The following NOL9 variants were observed in gnomAD, a reference collection of about 807,000 sequenced individuals.
The protein encoded by NOL9 is nucleolar protein 9, also known as polynucleotide 5'-hydroxyl-kinase NOL9.
NOL9 carries 28 observed loss-of-function variants against 67.9 expected under a neutral mutation model. The observed-to-expected ratio is 0.41, with a 90% CI of 0.31 to 0.57. NOL9 has a LOEUF of 0.57. NOL9 is among the 20% of genes least tolerant of loss of function. The pLI is 0.25. For synonymous variants in NOL9, 356 were observed against 352.2 expected, an observed-to-expected ratio of 1.01 and a Z score of -0.12; for missense variants, 777 against 897.0, an observed-to-expected ratio of 0.87 and a Z score of 1.71.
At chr1:6,549,813 T>G (rs765149343) in intron 2 of NOL9, 115 bp from the exon 3 acceptor site, 1 of 1,279,418 alleles carries the variant, frequency 7.8e-7, no homozygotes, top group Non-Finnish European at 1.1e-6. Context: ...GGAATTACGG[T>G]TGAGAGCCTT....
chr1:6,530,885 C>T (rs796659082), intron 9 of NOL9, among the ~76,000 whole-genome samples: 2 of 152,350 alleles, frequency 1.3e-5, no homozygotes, highest in African/African-American at 4.8e-5. Flanking sequence ...GGCTCAGAGT[C>T]GGGCGTCCTG....
At chr1:6,552,730 A>G (rs1639569880) in intron 1 of NOL9, among the ~76,000 whole-genome samples, 1 of 151,978 alleles carries the variant, frequency 6.6e-6, no homozygotes. Flanking sequence ...TCAGCCTCCA[A>G]AAGTGCTGGG....
Position 6,554,431 on chromosome 1 carries a change from C to T in NOL9, c.72G>A (p.Arg24=). 1.9e-6 allele frequency: 3 copies of T among 1,548,146 alleles called. No homozygotes were observed. Among genetic ancestry groups the T allele is most frequent in the South Asian group, 2.3e-5 (2 of 85,624 alleles). ...GCCGGCGGCTGAGGATGAGCTGGGG[C>T]CGGGCCTTGCGGACCCGCAGCCAAG... ...RSTWLRVRKA[R]PQLILSRRPR... is the part of the protein sequence containing the mutation. Residue 24 remains arginine, a synonymous_variant, in exon 1 of 12, where the codon CGG becomes CGA. Transcript: ENST00000377705.
Position 6,554,469 on chromosome 1 carries a change from A to G in NOL9, c.34T>C (p.Ser12Pro), listed in dbSNP as rs767795838. ...ADSGLLLKRG[S>P]CRSTWLRVRK... Reference sequence around the variant, plus strand: ...ACCCGCAGCCAAGTGGAACGGCAGGAACCCCGCTTTAGCAGCAGTCCCGAG... The same window carrying G: ...ACCCGCAGCCAAGTGGAACGGCAGGGACCCCGCTTTAGCAGCAGTCCCGAG... Residue 12 changes from serine to proline, a missense_variant, in exon 1 of 12, where the codon TCC (serine) becomes CCC (proline). Coordinates refer to ENST00000377705, the MANE Select transcript of NOL9 (RefSeq NM_024654.5). 5.2e-6 allele frequency: 8 copies of G among 1,550,038 alleles called. No homozygotes were observed. Among genetic ancestry groups the G allele is most frequent in the Middle Eastern group, 4.3e-4 (2 of 4,686 alleles).
Position 6,544,776 on chromosome 1 carries a change from C to T in NOL9, c.977+50G>A, listed in dbSNP as rs201995046. On this transcript the variant is annotated intron_variant, in intron 5 of 11. Coordinates refer to ENST00000377705, the MANE Select transcript of NOL9 (RefSeq NM_024654.5). Reference sequence around the variant, plus strand: ...TCCCTCCAAATCAAAAATCCCACTTCATGACAAAAACCTAGCAATGTGTCA... The same window carrying T: ...TCCCTCCAAATCAAAAATCCCACTTTATGACAAAAACCTAGCAATGTGTCA... 4.9e-5 allele frequency: 78 copies of T among 1,590,912 alleles called. No individual in the cohort carries two copies. The African/African-American group carries it at 9.5e-4, about 19-fold the overall frequency.
intron 8 of NOL9, 73 bp downstream of exon 8, chr1:6,532,390 A>G: frequency 7.1e-7 from 1 of 1,410,374 alleles, no homozygotes; most frequent in Non-Finnish European, 9.8e-7. Flanking sequence ...TCAGGCCTTT[A>G]GAGGAATTGA....
rs957453806 is a variant in NOL9, at chr1:6,523,707, G to C, written c.*2147C>G. 3.9e-5 allele frequency: 6 copies of C among 152,050 alleles called. No homozygotes were observed. The highest frequency in any genetic ancestry group is 1.5e-4 in the African/African-American group (6 of 41,344). The allele number at this position is 152,050 out of a possible 1,614,324, so 9.4% of individuals were successfully genotyped here. On this transcript the variant is annotated 3_prime_UTR_variant, in exon 12 of 12. Coordinates refer to ENST00000377705, the MANE Select transcript of NOL9 (RefSeq NM_024654.5). Reference sequence around the variant, plus strand: ...CAAGCTAGACCTGACAGAGGCCTTGGCTCCCTGTCTCCGAACCTCCTTCCC... The same window carrying C: ...CAAGCTAGACCTGACAGAGGCCTTGCCTCCCTGTCTCCGAACCTCCTTCCC...
chr1:6,533,876 C>T (rs1027118732), intron 6 of NOL9, among the ~76,000 whole-genome samples: 3 of 151,924 alleles, frequency 2.0e-5, no homozygotes, highest in African/African-American at 4.8e-5. Flanking sequence ...CACATATAGC[C>T]TCTAATTTTC....
chr1:6,530,144 A>G (rs1055923548), intron 9 of NOL9, among the ~76,000 whole-genome samples: 2 of 151,860 alleles, frequency 1.3e-5, no homozygotes, highest in African/African-American at 4.8e-5. Context: ...AAGAAACAAA[A>G]AACACTTAAA....
At position 6,525,773 on chromosome 1, in the gene NOL9, A is replaced by G; in HGVS notation, c.*81T>C. ...TAAGGGCACCATTCATGGCCATGAA[A>G]CTCCATCATGTCTCTTGTGGTCAGG... On this transcript the variant is annotated 3_prime_UTR_variant, in exon 12 of 12. Coordinates refer to ENST00000377705, the MANE Select transcript of NOL9 (RefSeq NM_024654.5). 6.8e-7 allele frequency: 1 copy of G among 1,468,658 alleles called. No individual in the cohort carries two copies. The highest frequency in any genetic ancestry group is 9.4e-7 in the Non-Finnish European group (1 of 1,058,946). The allele number at this position is 1,468,658 out of a possible 1,614,324, so 91.0% of individuals were successfully genotyped here.
At chr1:6,531,311 T>G (rs771274126) in intron 9 of NOL9, among the ~76,000 whole-genome samples, 7 of 152,060 alleles carry the variant, frequency 4.6e-5, no homozygotes, top group Non-Finnish European at 8.8e-5. Flanking sequence ...CCTCCTGGGT[T>G]CAAGCGATTC....
At chr1:6,526,355 C>T (rs746318715) in intron 11 of NOL9, among the ~76,000 whole-genome samples, 54 of 152,268 alleles carry the variant, frequency 3.5e-4, no homozygotes, top group Admixed American at 7.8e-4. Context: ...CTCTGGGGCA[C>T]ACAGACGCCT....
intron 1 of NOL9, among the ~76,000 whole-genome samples, chr1:6,553,705 G>A (rs1409579346): frequency 2.0e-5 from 3 of 152,012 alleles, no homozygotes; most frequent in Non-Finnish European, 1.5e-5. Flanking sequence ...AGCCGGGCGA[G>A]GTGGCACGCG....
Position 6,526,690 on chromosome 1 carries a change from G to C in NOL9, c.1959+6C>G, listed in dbSNP as rs772546093. Reference sequence around the variant, plus strand: ...CTTCCAGGGCTGTGCCCGGGGGAAGGCTCACCTGGCACTTAAGGACACAAT... The same window carrying C: ...CTTCCAGGGCTGTGCCCGGGGGAAGCCTCACCTGGCACTTAAGGACACAAT... On this transcript the variant is annotated splice_donor_region_variant and intron_variant, in intron 11 of 11. Transcript: ENST00000377705. The C allele has an allele frequency of 2.5e-6, 4 of 1,608,842 alleles. No homozygotes were observed. Among genetic ancestry groups the C allele is most frequent in the Non-Finnish European group, 3.4e-6 (4 of 1,177,336 alleles).
At position 6,530,314 on chromosome 1, in the gene NOL9, C is replaced by T. The variant is rs113392175; in HGVS notation, c.1648-1143G>A. Among the ~76,000 whole-genome samples, 1,482 of 150,336 alleles carry T rather than the reference C, an allele frequency of 9.9e-3. 11 individuals carry two copies. The highest frequency in any genetic ancestry group is 0.014 in the Non-Finnish European group (956 of 67,380). On this transcript the variant is annotated intron_variant, in intron 9 of 11. Transcript: ENST00000377705. ...CTAAAAATACAAAAGATTAGCTGGG[C>T]GTGGTGGCACGTGCCTGTAATCCCA...
chr1:6,551,517 T>C (rs912567658), intron 1 of NOL9, among the ~76,000 whole-genome samples: 1 of 150,606 alleles, frequency 6.6e-6, no homozygotes, highest in Non-Finnish European at 1.5e-5. Context: ...TGAGAATCGC[T>C]TGAATCCAGA....
chr1:6,544,959 C>T (rs753684443), intron 4 of NOL9, 37 bp from the exon 5 acceptor site: 3 of 1,614,138 alleles, frequency 1.9e-6, no homozygotes, highest in South Asian at 1.1e-5. Context: ...TAGAATTAGC[C>T]GTCTTCCTTG....
chr1:6,554,081 G>C, intron 1 of NOL9, 26 bp downstream of exon 1: 1 of 1,507,680 alleles, frequency 6.6e-7, no homozygotes, highest in Non-Finnish European at 8.9e-7. Context: ...TGCCCTCGGG[G>C]ACTACTACCG....
rs764967054 is a variant in NOL9, at chr1:6,554,459, G to T, written c.44C>A (p.Ser15Tyr). The T allele has an allele frequency of 5.8e-6, 9 of 1,551,098 alleles. No individual in the cohort carries two copies. In the South Asian group the frequency reaches 9.3e-5, roughly 16 times the overall value. Residue 15 changes from serine to tyrosine, a missense_variant, in exon 1 of 12, where the codon TCC becomes TAC. Transcript: ENST00000377705. ...GGCCTTGCGGACCCGCAGCCAAGTG[G>T]AACGGCAGGAACCCCGCTTTAGCAG... ...GLLLKRGSCRSTWLRVRKARP... is the reference protein window; with the variant it reads ...GLLLKRGSCRYTWLRVRKARP...
Sources: allele counts gnomAD v4.1 joint callset (sites outside exome capture counted in the v4.1 genomes callset), GRCh38; gene constraint gnomAD v4.1.1; transcripts MANE v1.5; gene names NCBI Gene and HGNC (gene_info 2026-07-23, HGNC 2026-07-21).